CCDC171: variants seen among roughly 807,000 people sequenced by gnomAD.
CCDC171 encodes the protein coiled-coil domain-containing protein 171.
Under a neutral mutation model 168.2 loss-of-function variants are expected in CCDC171, and 177 were observed. The observed-to-expected ratio is 1.05, with a 90% confidence interval of 0.93 to 1.19. The LOEUF (loss-of-function observed/expected upper bound fraction) is 1.19. CCDC171 is among the 50% of genes most tolerant of loss of function. The probability of loss-of-function intolerance (pLI) is 0.00; values close to 1 mark genes in which losing one functional copy is unlikely to be tolerated. For synonymous variants in CCDC171, 687 were observed against 540.8 expected (o/e 1.27, Z -3.75); for missense variants, 1,991 against 1,539.0 (o/e 1.29, Z -4.91).
intron 21 of CCDC171, 82 bp downstream of exon 21, chr9:15,784,776 T>G: frequency 9.9e-7 from 1 of 1,013,202 alleles, no homozygotes; most frequent in Non-Finnish European, 1.4e-6. Flanking sequence ...ATCTCCTGAA[T>G]AGGAATAGAT....
chr9:15,997,991 TC>T (rs949289836), intron 3 of CCDC171, among the ~76,000 whole-genome samples: 1 of 152,180 alleles, frequency 6.6e-6, no homozygotes, highest in African/African-American at 2.4e-5. Context: ...TTCAAAGTGC[TC>T]CCATGGTAGC....
chr9:16,092,553 C>T, the CCDC171 span, among the ~76,000 whole-genome samples: 4 of 152,190 alleles, frequency 2.6e-5, no homozygotes, highest in African/African-American at 9.7e-5. Context: ...AACAGAGGTT[C>T]TTTGCTATAT....
At chr9:15,918,439 A>C (rs1485297543) in intron 24 of CCDC171, among the ~76,000 whole-genome samples, 1 of 151,348 alleles carries the variant, frequency 6.6e-6, no homozygotes, top group African/African-American at 2.4e-5. Flanking sequence ...AAAAAAAAAA[A>C]AAACCAGGAC....
At chr9:15,974,493 C>T (rs1367829363), downstream of CCDC171, among the ~76,000 whole-genome samples, 4 of 152,278 alleles carry the variant, frequency 2.6e-5, no homozygotes, top group Middle Eastern at 6.8e-3. Flanking sequence ...TTACTTTACA[C>T]TTCCGAATGT....
At chr9:15,720,898 C>T (rs557373458) in intron 11 of CCDC171, among the ~76,000 whole-genome samples, 2 of 152,112 alleles carry the variant, frequency 1.3e-5, no homozygotes, top group Non-Finnish European at 2.9e-5. Context: ...GTCAAGTGTT[C>T]TCATTGTTCA....
chr9:15,563,817 G>A (rs2039507926), intron 1 of CCDC171, among the ~76,000 whole-genome samples, 161 bp from the exon 2 acceptor site: 1 of 152,090 alleles, frequency 6.6e-6, no homozygotes, highest in Non-Finnish European at 1.5e-5. Context: ...GCTTATTTGA[G>A]TTCCTTTTCT....
At chr9:15,627,346 T>A (rs1460208374) in intron 7 of CCDC171, among the ~76,000 whole-genome samples, 2 of 152,214 alleles carry the variant, frequency 1.3e-5, no homozygotes, top group Non-Finnish European at 2.9e-5. Flanking sequence ...TAATTTTTTC[T>A]TGCCTTCTGC....
intron 8 of CCDC171, among the ~76,000 whole-genome samples, chr9:15,658,238 C>T (rs981798482): frequency 2.0e-5 from 3 of 152,146 alleles, no homozygotes; most frequent in Non-Finnish European, 4.4e-5. Context: ...TTATGGAAGT[C>T]CTTTTTCGTG....
intron 7 of CCDC171, among the ~76,000 whole-genome samples, chr9:15,627,576 C>T (rs181528107): frequency 6.6e-6 from 1 of 152,254 alleles, no homozygotes; most frequent in Admixed American, 6.5e-5. Flanking sequence ...TCGTTATGTA[C>T]CCAGTAGTCA....
chr9:15,954,990 C>G (rs532452883), intron 25 of CCDC171, among the ~76,000 whole-genome samples: 3 of 152,072 alleles, frequency 2.0e-5, no homozygotes, highest in Admixed American at 2.0e-4. Flanking sequence ...TCCTGTTTCT[C>G]TGTATGCTTT....
At chr9:15,765,544 T>A (rs1039274337) in intron 18 of CCDC171, among the ~76,000 whole-genome samples, 7 of 152,008 alleles carry the variant, frequency 4.6e-5, no homozygotes, top group Non-Finnish European at 1.0e-4. Context: ...GTTGGTAGAT[T>A]TGGTAGTAGA....
intron 6 of CCDC171, among the ~76,000 whole-genome samples, chr9:15,595,354 T>A (rs2042267138): frequency 6.6e-6 from 1 of 152,206 alleles, no homozygotes; most frequent in Non-Finnish European, 1.5e-5. Flanking sequence ...TGTGTCCATG[T>A]GTTCTCACTG....
At chr9:15,954,327 C>A (rs926752186) in intron 25 of CCDC171, among the ~76,000 whole-genome samples, 26 of 151,874 alleles carry the variant, frequency 1.7e-4, no homozygotes, top group Non-Finnish European at 3.1e-4. Flanking sequence ...ATAAATTTCC[C>A]CCTTAGCACT....
At chr9:15,891,801 G>A (rs1225088616) in intron 24 of CCDC171, among the ~76,000 whole-genome samples, 6 of 152,064 alleles carry the variant, frequency 3.9e-5, no homozygotes, top group East Asian at 1.9e-4. Context: ...GAGAATGAAC[G>A]AGCATGCAGG....
chr9:15,850,641 G>T (rs2130807000), intron 23 of CCDC171, among the ~76,000 whole-genome samples: 1 of 152,048 alleles, frequency 6.6e-6, no homozygotes, highest in African/African-American at 2.4e-5. Flanking sequence ...AGATAATTGG[G>T]GATAATTCTG....
At chr9:16,029,203 T>A (rs979834487) in intron 6 of CCDC171, among the ~76,000 whole-genome samples, 7 of 152,174 alleles carry the variant, frequency 4.6e-5, no homozygotes, top group Admixed American at 4.6e-4. Context: ...ATCTTCTGAT[T>A]TGGGCTTGTT....
intron 10 of CCDC171, among the ~76,000 whole-genome samples, chr9:15,686,143 C>G (rs1286670470): frequency 6.6e-6 from 1 of 152,112 alleles, no homozygotes; most frequent in Admixed American, 6.6e-5. Context: ...TGATATTAAG[C>G]TCACTCCAAG....
chr9:16,020,192 C>T (rs1462750529), intron 3 of CCDC171, among the ~76,000 whole-genome samples: 3 of 152,214 alleles, frequency 2.0e-5, no homozygotes, highest in East Asian at 3.9e-4. Flanking sequence ...TTGTTTCATG[C>T]ACAAAATTAT....
At chr9:15,715,591 C>T (rs1438151267) in intron 11 of CCDC171, among the ~76,000 whole-genome samples, 9 of 152,258 alleles carry the variant, frequency 5.9e-5, no homozygotes, top group South Asian at 2.1e-4. Flanking sequence ...AAAACATGAA[C>T]GTGACTACTC....
Sources: gnomAD v4.1 joint callset for allele counts (sites outside exome capture counted in the v4.1 genomes callset) on GRCh38, gnomAD v4.1.1 for gene constraint, MANE v1.5 for transcripts, NCBI Gene and HGNC (gene_info 2026-07-23, HGNC 2026-07-21) for gene names.